The following ASIC2 variants were observed in gnomAD, a reference collection of about 807,000 sequenced individuals.
ASIC2 encodes the protein acid sensing ion channel subunit 2, also known as acid-sensing ion channel 2.
Under a neutral mutation model 57.3 loss-of-function variants are expected in ASIC2, and 25 were observed. The observed-to-expected ratio is 0.44, with a 90% CI of 0.32 to 0.61. The LOEUF is 0.61. Among genes scored for constraint, ASIC2 ranks in the 20% least tolerant of loss-of-function variants. The probability of loss-of-function intolerance (pLI) is 0.06; values close to 1 mark genes in which losing one functional copy is unlikely to be tolerated. For missense variants in ASIC2, 641 were observed against 738.1 expected (o/e 0.87, Z 1.52); for synonymous variants, 319 against 307.5 (o/e 1.04, Z -0.39).
intron 1 of ASIC2, among the ~76,000 whole-genome samples, chr17:34,034,034 C>T (rs1027240081): frequency 6.6e-6 from 1 of 152,276 alleles, no homozygotes; most frequent in Admixed American, 6.5e-5. Context: ...ATCCTGATAC[C>T]AAAGCCTGGC....
chr17:33,810,183 A>G (rs1176227128), intron 1 of ASIC2, among the ~76,000 whole-genome samples: 2 of 152,216 alleles, frequency 1.3e-5, no homozygotes, highest in Non-Finnish European at 2.9e-5. Context: ...TGGGGCAAAG[A>G]GTTGAGAAAG....
intron 1 of ASIC2, among the ~76,000 whole-genome samples, chr17:33,347,668 C>G (rs1034918777): frequency 1.3e-5 from 2 of 151,968 alleles, no homozygotes; most frequent in Non-Finnish European, 2.9e-5. Context: ...ACAGAAACAT[C>G]GAAGGAGGGT....
chr17:34,088,460 T>A (rs1361511041), intron 1 of ASIC2, among the ~76,000 whole-genome samples: 1 of 152,110 alleles, frequency 6.6e-6, no homozygotes, highest in Non-Finnish European at 1.5e-5. Flanking sequence ...TACTGGGGAG[T>A]GCCTCCCAGT....
intron 1 of ASIC2, among the ~76,000 whole-genome samples, chr17:34,111,242 A>C (rs1384446616): frequency 1.3e-5 from 2 of 148,976 alleles, no homozygotes; most frequent in African/African-American, 4.9e-5. Flanking sequence ...ACATATATAT[A>C]CACACATATA....
chr17:33,585,190 C>G, intron 1 of ASIC2, among the ~76,000 whole-genome samples: 1 of 151,876 alleles, frequency 6.6e-6, no homozygotes, highest in African/African-American at 2.4e-5. Context: ...TTGAGCTCTC[C>G]AGTCCAGGTT....
intron 1 of ASIC2, among the ~76,000 whole-genome samples, chr17:33,960,545 T>C (rs1224119622): frequency 6.6e-6 from 1 of 152,174 alleles, no homozygotes; most frequent in Non-Finnish European, 1.5e-5. Context: ...GCTGTCAGGA[T>C]ATAACCTCAA....
intron 1 of ASIC2, among the ~76,000 whole-genome samples, chr17:33,535,245 T>C (rs969631779): frequency 2.6e-5 from 4 of 151,552 alleles, no homozygotes; most frequent in Non-Finnish European, 4.4e-5. Flanking sequence ...TTCTTAGCAA[T>C]GGATATGGTG....
At chr17:34,044,446 G>A (rs917664531) in intron 1 of ASIC2, among the ~76,000 whole-genome samples, 1 of 152,134 alleles carries the variant, frequency 6.6e-6, no homozygotes, top group Non-Finnish European at 1.5e-5. Flanking sequence ...TGCGGCTGTG[G>A]TTCAGAAGCA....
chr17:33,799,390 C>CT (rs879744540), intron 1 of ASIC2, among the ~76,000 whole-genome samples: 1,203 of 60,868 alleles, frequency 0.02, 17 homozygotes, highest in Non-Finnish European at 0.028. Context: ...TTCTTTCTTT[C>CT]TTTCTTTCTT....
chr17:33,501,333 G>A (rs1208779077), intron 1 of ASIC2, among the ~76,000 whole-genome samples: 3 of 152,200 alleles, frequency 2.0e-5, no homozygotes, highest in East Asian at 1.9e-4. Context: ...CTGCCTGTGC[G>A]TTGGGAGGCA....
intron 1 of ASIC2, among the ~76,000 whole-genome samples, chr17:33,973,975 G>A (rs1567774900): frequency 6.6e-6 from 1 of 152,140 alleles, no homozygotes; most frequent in Non-Finnish European, 1.5e-5. Context: ...TCCAGGGGAA[G>A]GAAAGTTCTG....
At chr17:33,102,852 C>T (rs767071578) in intron 2 of ASIC2, among the ~76,000 whole-genome samples, 6 of 152,136 alleles carry the variant, frequency 3.9e-5, no homozygotes, top group South Asian at 2.1e-4. Context: ...GGCATGATCT[C>T]GGCTCACTGC....
chr17:33,466,735 A>G (rs1912877865), intron 1 of ASIC2, among the ~76,000 whole-genome samples: 1 of 152,218 alleles, frequency 6.6e-6, no homozygotes, highest in South Asian at 2.1e-4. Context: ...GACAAGAATA[A>G]GAAATGGGGA....
intron 1 of ASIC2, among the ~76,000 whole-genome samples, chr17:33,487,444 C>T (rs926233031): frequency 1.3e-5 from 2 of 152,176 alleles, no homozygotes; most frequent in African/African-American, 4.8e-5. Context: ...TCAACCCTGG[C>T]CCTTCCATTT....
chr17:34,116,950 G>A (rs528618869), intron 1 of ASIC2, among the ~76,000 whole-genome samples: 57 of 152,088 alleles, frequency 3.7e-4, no homozygotes, highest in Non-Finnish European at 6.6e-4. Context: ...ATGTGTGCAC[G>A]GAAATAAGTA....
At chr17:33,201,685 G>A (rs539860257) in intron 1 of ASIC2, among the ~76,000 whole-genome samples, 1 of 152,288 alleles carries the variant, frequency 6.6e-6, no homozygotes, top group Admixed American at 6.5e-5. Flanking sequence ...GCCCTGCTCG[G>A]TAAGGAGCAG....
Position 33,405,864 on chromosome 17 carries a change from C to T in ASIC2, c.556-293797G>A, listed in dbSNP as rs143100971. 3.4e-3 allele frequency among the ~76,000 whole-genome samples: 525 copies of T among 152,224 alleles called. 4 individuals carry two copies. Among genetic ancestry groups the T allele is most frequent in the African/African-American group, 0.012 (496 of 41,536 alleles). The stretch of plus-strand genomic sequence containing the variant: ...TCTTCTGTTTCTGGCTCTTACACCC[C>T]AGGAGACAATATTCCTCCACTCCAA... On this transcript the variant is annotated intron_variant, in intron 1 of 9. Coordinates refer to the ASIC2 transcript ENST00000359872.
chr17:33,215,934 C>G (rs1202315439), intron 1 of ASIC2, among the ~76,000 whole-genome samples: 1 of 152,038 alleles, frequency 6.6e-6, no homozygotes, highest in Admixed American at 6.5e-5. Flanking sequence ...CTCCTGACCT[C>G]GTGATCCGCC....
chr17:33,084,894 G>A (rs1567738886), intron 3 of ASIC2, among the ~76,000 whole-genome samples: 1 of 152,178 alleles, frequency 6.6e-6, no homozygotes, highest in Admixed American at 6.5e-5. Flanking sequence ...GCAAATGCAG[G>A]TTAAGAAAGC....
Sources: allele counts gnomAD v4.1 joint callset (sites outside exome capture counted in the v4.1 genomes callset), GRCh38; gene constraint gnomAD v4.1.1; transcripts MANE v1.5; gene names NCBI Gene and HGNC (gene_info 2026-07-23, HGNC 2026-07-21).